GRIN3A: variants seen among roughly 807,000 people sequenced by gnomAD.
GRIN3A encodes the protein glutamate ionotropic receptor NMDA type subunit 3A.
A neutral mutation model predicts 92.4 loss-of-function variants in GRIN3A; 47 were observed. The observed-to-expected ratio is 0.51, with a 90% CI of 0.40 to 0.65. The LOEUF is 0.65. Ranked by LOEUF, GRIN3A falls within the 30% of genes least tolerant of loss-of-function variation. The pLI, the probability that GRIN3A is intolerant of heterozygous loss-of-function variation, is 0.00. For synonymous variants in GRIN3A, 527 were observed against 540.6 expected, an observed-to-expected ratio of 0.97 and a Z score of 0.35; for missense variants, 1,324 against 1,393.1, an observed-to-expected ratio of 0.95 and a Z score of 0.79.
chr9:101,645,799 A>G (rs1016748154), intron 3 of GRIN3A, among the ~76,000 whole-genome samples: 1 of 150,672 alleles, frequency 6.6e-6, no homozygotes, highest in African/African-American at 2.4e-5. Context: ...TGTGGTTTCA[A>G]TTTGCATTTC....
At chr9:101,582,283 C>T (rs930382554) in intron 6 of GRIN3A, among the ~76,000 whole-genome samples, 16 of 152,016 alleles carry the variant, frequency 1.1e-4, no homozygotes, top group Admixed American at 2.0e-4. Context: ...GAGCCTAGCT[C>T]AGGAAATCTC....
intron 1 of GRIN3A, among the ~76,000 whole-genome samples, chr9:101,692,283 A>G (rs915216512): frequency 6.6e-6 from 1 of 152,060 alleles, no homozygotes; most frequent in Non-Finnish European, 1.5e-5. Context: ...CCACACCCCC[A>G]ACTCTTCTTT....
chr9:101,610,362 G>T (rs1271117724), intron 6 of GRIN3A, among the ~76,000 whole-genome samples: 1 of 152,186 alleles, frequency 6.6e-6, no homozygotes, highest in Non-Finnish European at 1.5e-5. Flanking sequence ...ATCCAGAGGA[G>T]AAATGTTTTT....
chr9:101,579,178 G>A lies in GRIN3A; in HGVS notation c.2931+18C>T. 1 of 1,612,996 alleles carries A rather than the reference G, an allele frequency of 6.2e-7. No homozygotes were observed. Among genetic ancestry groups the A allele is most frequent in the Middle Eastern group, 1.7e-4 (1 of 5,826 alleles). On this transcript the variant is annotated intron_variant, in intron 7 of 8. Transcript: ENST00000361820. The stretch of plus-strand genomic sequence containing the variant: ...GTACAGTTTAAGAATATTGGAGCAA[G>A]ACACCTGTGGCACTCACCTGGCTGG...
At chr9:101,583,385 T>G (rs565230818) in intron 6 of GRIN3A, among the ~76,000 whole-genome samples, 1 of 152,314 alleles carries the variant, frequency 6.6e-6, no homozygotes, top group South Asian at 2.1e-4. Flanking sequence ...TGAGTCTGAG[T>G]GACAAGACAT....
chr9:101,708,401 C>G (rs796496662), intron 1 of GRIN3A, among the ~76,000 whole-genome samples: 1 of 152,212 alleles, frequency 6.6e-6, no homozygotes, highest in African/African-American at 2.4e-5. Flanking sequence ...ATAGATAAAG[C>G]CAATTACAGC....
chr9:101,630,469 T>C (rs1828696354), intron 3 of GRIN3A, among the ~76,000 whole-genome samples: 1 of 152,242 alleles, frequency 6.6e-6, no homozygotes, highest in Admixed American at 6.5e-5. Flanking sequence ...GAGGTAGATA[T>C]GTCTATCATC....
At chr9:101,718,942 AATTT>A (rs1457520567) in intron 1 of GRIN3A, among the ~76,000 whole-genome samples, 4 of 152,170 alleles carry the variant, frequency 2.6e-5, no homozygotes, top group Non-Finnish European at 5.9e-5. Context: ...TTTAAAAGTG[AATTT>A]ATTTAGGTAA....
intron 3 of GRIN3A, among the ~76,000 whole-genome samples, chr9:101,654,608 G>C (rs1324682028): frequency 1.3e-5 from 2 of 151,380 alleles, no homozygotes; most frequent in South Asian, 2.1e-4. Context: ...TCCCTTCAAG[G>C]TCTCTTTTTT....
chr9:101,667,184 C>CTATATACCTATATACTTTATAT (rs1829250246), intron 3 of GRIN3A, among the ~76,000 whole-genome samples: 1 of 151,828 alleles, frequency 6.6e-6, no homozygotes, highest in Non-Finnish European at 1.5e-5. Flanking sequence ...ATACTTTATA[C>CTATATACCTATATACTTTATAT]TATATACCTA....
chr9:101,640,585 G>C (rs747270886), intron 3 of GRIN3A, among the ~76,000 whole-genome samples: 1 of 152,142 alleles, frequency 6.6e-6, no homozygotes, highest in Non-Finnish European at 1.5e-5. Context: ...TTATAGCAAA[G>C]AGACTGATAT....
chr9:101,692,621 G>A (rs879589525), intron 1 of GRIN3A, among the ~76,000 whole-genome samples: 1 of 152,120 alleles, frequency 6.6e-6, no homozygotes, highest in Non-Finnish European at 1.5e-5. Flanking sequence ...TGTTTCCACT[G>A]CTTTTACCAG....
At chr9:101,704,675 T>A (rs1829791685) in intron 1 of GRIN3A, among the ~76,000 whole-genome samples, 1 of 152,218 alleles carries the variant, frequency 6.6e-6, no homozygotes. Context: ...GTTAATACTC[T>A]GCAATCTTTC....
chr9:101,736,970 C>G lies in GRIN3A; in HGVS notation c.699+311G>C, dbSNP rs556717454. On this transcript the variant is annotated intron_variant, in intron 1 of 8. Coordinates refer to ENST00000361820, the MANE Select transcript of GRIN3A (RefSeq NM_133445.3). ...GGTCCTGAACCTCGACTTCTACTTC[C>G]CGTCGGGCATCTACTAGATTTCTCC... Among the ~76,000 whole-genome samples, 23 of 152,274 alleles carry G rather than the reference C, an allele frequency of 1.5e-4. No individual in the cohort carries two copies. In the South Asian group the frequency reaches 3.9e-3, roughly 26 times the overall value.
At chr9:101,701,438 G>T (rs925067246) in intron 1 of GRIN3A, among the ~76,000 whole-genome samples, 2 of 151,906 alleles carry the variant, frequency 1.3e-5, no homozygotes, top group Non-Finnish European at 2.9e-5. Context: ...TCATCATTTA[G>T]CTCCCACTTG....
chr9:101,671,691 A>T (rs1535632), intron 2 of GRIN3A, among the ~76,000 whole-genome samples: 82,377 of 152,000 alleles, frequency 0.54, 22,364 homozygotes, highest in African/African-American at 0.57. Flanking sequence ...AGTTAACATA[A>T]CTGTCCCCGT....
chr9:101,646,752 T>C (rs1182219220), intron 3 of GRIN3A, among the ~76,000 whole-genome samples: 2 of 151,774 alleles, frequency 1.3e-5, no homozygotes, highest in Non-Finnish European at 3.0e-5. Flanking sequence ...TTTATTCCTA[T>C]TTTATTCTTT....
chr9:101,619,075 C>T lies in GRIN3A; in HGVS notation c.2614+4243G>A, dbSNP rs533271164. Among the ~76,000 whole-genome samples the T allele has an allele frequency of 2.4e-4, 37 of 152,174 alleles. 1 individual carries two copies. The highest frequency in any genetic ancestry group is 8.9e-4 in the African/African-American group (37 of 41,502). On this transcript the variant is annotated intron_variant, in intron 5 of 8. Coordinates refer to ENST00000361820, the MANE Select transcript of GRIN3A (RefSeq NM_133445.3). ...CCATGGATAAATCAGCTTTATTAAG[C>T]TAAGAGTGGTGGAAATATATTTTAG...
At chr9:101,646,080 G>A (rs1423721566) in intron 3 of GRIN3A, among the ~76,000 whole-genome samples, 1 of 151,664 alleles carries the variant, frequency 6.6e-6, no homozygotes, top group Non-Finnish European at 1.5e-5. Context: ...TTAGCTCAAT[G>A]TAGTCCTGTT....
Sources: gnomAD v4.1 joint callset for allele counts (sites outside exome capture counted in the v4.1 genomes callset) on GRCh38, gnomAD v4.1.1 for gene constraint, MANE v1.5 for transcripts, NCBI Gene and HGNC (gene_info 2026-07-23, HGNC 2026-07-21) for gene names.